Variants in CCDC57 observed in about 807,000 individuals in gnomAD.
CCDC57 encodes coiled-coil domain containing 57.
A neutral mutation model predicts 118.9 loss-of-function variants in CCDC57; 118 were observed. The observed-to-expected ratio is 0.99, with a 90% CI of 0.86 to 1.16. CCDC57 has a LOEUF of 1.16. Among genes scored for constraint, CCDC57 ranks in the 50% most tolerant of loss-of-function variants. CCDC57 has a pLI of 0.00. For missense variants in CCDC57, 1,300 were observed against 1,320.7 expected, an observed-to-expected ratio of 0.98 and a Z score of 0.24; for synonymous variants, 527 against 532.9, an observed-to-expected ratio of 0.99 and a Z score of 0.15.
intron 17 of CCDC57, 24 bp downstream of exon 16, chr17:82,134,049 A>C: frequency 7.3e-7 from 1 of 1,360,696 alleles, no homozygotes; most frequent in Non-Finnish European, 9.5e-7. Context: ...TTAAAAATGC[A>C]TGTCTTAGAT....
intron 19 of CCDC57, chr17:82,107,351 G>C: frequency 2.2e-6 from 1 of 447,380 alleles, no homozygotes; most frequent in Non-Finnish European, 4.6e-6. Context: ...TGGCACCCGG[G>C]TGGGGCACAG....
At chr17:82,152,746 A>G (rs1363763903) in intron 15 of CCDC57, among the ~76,000 whole-genome samples, 2 of 152,192 alleles carry the variant, frequency 1.3e-5, no homozygotes, top group East Asian at 3.9e-4. Flanking sequence ...ACAGGCCAGC[A>G]CACCCTGTCC....
intron 16 of CCDC57, among the ~76,000 whole-genome samples, chr17:82,137,654 A>C (rs2039400640): frequency 6.6e-6 from 1 of 151,928 alleles, no homozygotes. Context: ...ATGTCAAATA[A>C]AATAAAGCTT....
chr17:82,193,721 A>ACATGCTG (rs913619452), intron 7 of CCDC57, 35 bp downstream of exon 6: 3 of 1,556,986 alleles, frequency 1.9e-6, no homozygotes, highest in Non-Finnish European at 1.7e-6. Context: ...GGGGCCACTG[A>ACATGCTG]CATGCTGCAT....
chr17:82,151,486 C>A (rs1453323917), intron 16 of CCDC57, 74 bp downstream of exon 15: 6 of 1,395,542 alleles, frequency 4.3e-6, no homozygotes, highest in African/African-American at 2.9e-5. Context: ...CAGAACCTGG[C>A]GCACACCCAG....
At chr17:82,113,026 T>G (rs548382674) in intron 19 of CCDC57, 18 of 258,708 alleles carry the variant, frequency 7.0e-5, no homozygotes, top group South Asian at 5.6e-4. Context: ...GTAAGCCGAT[T>G]TGGTTATTTC....
chr17:82,199,362 C>G (rs1027528551), intron 3 of CCDC57, among the ~76,000 whole-genome samples: 7 of 151,530 alleles, frequency 4.6e-5, no homozygotes, highest in Admixed American at 6.6e-5. Flanking sequence ...CCTGTAGTGA[C>G]AGCTCCTCGG....
chr17:82,157,714 C>A, intron 15 of CCDC57, 34 bp downstream of exon 14: 1 of 1,544,136 alleles, frequency 6.5e-7, no homozygotes. Context: ...GCAGGAACCT[C>A]GGCGGGTGGC....
rs1252628470 is a variant in CCDC57, at chr17:82,148,139, ATGGATGGATGG to A, written c.2455+3410_2455+3420del. ...GTTGGATGGTTAGATGGATGGATGG[ATGGATGGATGG>A]ATGGATGGATGGATGGATGAATAGA... On this transcript the variant is annotated intron_variant, in intron 16 of 19. Transcript: ENST00000665763. Among the ~76,000 whole-genome samples the A allele has an allele frequency of 6.7e-4, 65 of 97,570 alleles. 1 individual carries two copies. In the East Asian group the frequency reaches 0.011, roughly 17 times the overall value. 64.0% of individuals were successfully genotyped at this position (97,570 alleles called of 152,430 possible).
intron 9 of CCDC57, among the ~76,000 whole-genome samples, chr17:82,182,671 T>C (rs2046355699): frequency 6.8e-6 from 1 of 146,786 alleles, no homozygotes; most frequent in Admixed American, 6.9e-5. Flanking sequence ...CATTTATTTA[T>C]ATTTTATTTT....
chr17:82,139,341 T>C (rs562097381), intron 16 of CCDC57, among the ~76,000 whole-genome samples: 33 of 115,412 alleles, frequency 2.9e-4, no homozygotes, highest in Admixed American at 1.0e-3. Context: ...TCTTTTGTCA[T>C]CCACAGTTTT....
At chr17:82,194,236 G>T in intron 5 of CCDC57, 97 bp from the exon 5 acceptor site, 1 of 1,258,728 alleles carries the variant, frequency 7.9e-7, no homozygotes, top group Non-Finnish European at 1.1e-6. Flanking sequence ...TTGGGAGGGA[G>T]AAGAAAAATG....
In CCDC57 at chr17:82,136,601, A is replaced by C. The variant is rs371517674; in HGVS notation, c.2456-2407T>G. Among the ~76,000 whole-genome samples the C allele has an allele frequency of 9.3e-3, 1,374 of 148,400 alleles. 14 individuals carry two copies. Among genetic ancestry groups the C allele is most frequent in the African/African-American group, 0.029 (1,157 of 40,438 alleles). ...GTACCAAAAAAAAAAAAAAAAAAAG[A>C]AAACTAGTTTTTTTGAGACAGAGTC... On this transcript the variant is annotated intron_variant, in intron 16 of 19. Transcript: ENST00000665763.
chr17:82,180,536 C>T (rs1163886197), intron 9 of CCDC57, among the ~76,000 whole-genome samples: 3 of 152,100 alleles, frequency 2.0e-5, no homozygotes, highest in Admixed American at 6.5e-5. Flanking sequence ...AGTGCAGTGG[C>T]GTGATGTTGG....
exon 3 of CCDC57, chr17:82,201,850 T>G: frequency 6.2e-7 from 1 of 1,613,466 alleles, no homozygotes; most frequent in Admixed American, 1.7e-5. Flanking sequence ...AGCCGCCTCC[T>G]GCAGCTGGGT....
intron 16 of CCDC57, among the ~76,000 whole-genome samples, chr17:82,135,742 C>T (rs1485194495): frequency 6.6e-6 from 1 of 152,128 alleles, no homozygotes; most frequent in Non-Finnish European, 1.5e-5. Context: ...CCGCCTCACA[C>T]CCACTAGGTT....
Position 82,144,875 on chromosome 17 carries a change from GA to G in CCDC57, c.2455+6684del, listed in dbSNP as rs2040493865. Among the ~76,000 whole-genome samples, 12 of 152,098 alleles carry G rather than the reference GA, an allele frequency of 7.9e-5. No individual in the cohort carries two copies. The South Asian group carries it at 2.3e-3, about 29-fold the overall frequency. ...TCCCGATGCATTAAAGACTCAGCAG[GA>G]AAATGACATGACGATAAAATACAAG... On this transcript the variant is annotated intron_variant, in intron 16 of 19. Coordinates refer to ENST00000665763, the Ensembl canonical transcript of CCDC57.
intron 19 of CCDC57, 81 bp downstream of exon 18, chr17:82,127,611 G>A: frequency 6.7e-7 from 1 of 1,497,112 alleles, no homozygotes; most frequent in Non-Finnish European, 8.9e-7. Flanking sequence ...GCAGGGTGCT[G>A]ACTCTCCACA....
At chr17:82,167,516 A>G (rs1261451689) in intron 13 of CCDC57, among the ~76,000 whole-genome samples, 4 of 152,054 alleles carry the variant, frequency 2.6e-5, no homozygotes, top group Non-Finnish European at 5.9e-5. Flanking sequence ...ATGCCCAGCT[A>G]ATTTTTGTAT....
Sources: gnomAD v4.1 joint callset for allele counts (sites outside exome capture counted in the v4.1 genomes callset) on GRCh38, gnomAD v4.1.1 for gene constraint, MANE v1.5 for transcripts, NCBI Gene and HGNC (gene_info 2026-07-23, HGNC 2026-07-21) for gene names.